Variants in NPSR1 observed in about 807,000 individuals in gnomAD.
NPSR1 encodes the protein neuropeptide S receptor 1.
NPSR1 carries 48 observed loss-of-function variants against 46.9 expected under a neutral mutation model. The observed-to-expected ratio is 1.02, with a 90% CI of 0.81 to 1.30. The LOEUF is 1.30. NPSR1 is among the 50% of genes most tolerant of loss of function. The probability of loss-of-function intolerance (pLI) is 0.00; values close to 1 mark genes in which losing one functional copy is unlikely to be tolerated. For missense variants in NPSR1, 450 were observed against 449.5 expected, an observed-to-expected ratio of 1.00 and a Z score of -0.01; for synonymous variants, 176 against 168.1, an observed-to-expected ratio of 1.05 and a Z score of -0.36.
At chr7:34,690,005 C>T (rs1257265062) in intron 2 of NPSR1, among the ~76,000 whole-genome samples, 10 of 151,720 alleles carry the variant, frequency 6.6e-5, no homozygotes, top group Admixed American at 6.6e-4. Flanking sequence ...AACTGCACAG[C>T]ACTGGAAAAT....
intron 2 of NPSR1, among the ~76,000 whole-genome samples, chr7:34,702,822 C>CTTTT (rs1793901451): frequency 6.6e-6 from 1 of 152,170 alleles, no homozygotes; most frequent in African/African-American, 2.4e-5. Flanking sequence ...ACTTTTGTGG[C>CTTTT]TTTTGAATTG....
chr7:34,823,324 G>A (rs955320506), intron 4 of NPSR1, among the ~76,000 whole-genome samples: 2 of 150,334 alleles, frequency 1.3e-5, no homozygotes, highest in Admixed American at 6.6e-5. Flanking sequence ...CCTGGGAAGC[G>A]GAGGTTGCGG....
chr7:34,755,357 C>G (rs890436933), intron 2 of NPSR1, among the ~76,000 whole-genome samples: 1 of 152,186 alleles, frequency 6.6e-6, no homozygotes, highest in Non-Finnish European at 1.5e-5. Flanking sequence ...GTCAAGGATA[C>G]AAAGTAGCAA....
chr7:34,874,465 G>C (rs1791531543), intron 8 of NPSR1, among the ~76,000 whole-genome samples: 1 of 152,130 alleles, frequency 6.6e-6, no homozygotes, highest in Non-Finnish European at 1.5e-5. Flanking sequence ...AAAAAGGAGG[G>C]ATAATTTGGG....
intron 3 of NPSR1, among the ~76,000 whole-genome samples, chr7:34,799,392 T>A (rs865775076): frequency 6.6e-6 from 1 of 152,106 alleles, no homozygotes; most frequent in African/African-American, 2.4e-5. Flanking sequence ...GCCAGGCTAA[T>A]CAAGAAAAGA....
At chr7:34,779,862 A>G in intron 3 of NPSR1, 1 of 177,070 alleles carries the variant, frequency 5.6e-6, no homozygotes. Flanking sequence ...TCAAGAATTC[A>G]GGAACAGCTT....
chr7:34,789,550 C>T lies in NPSR1; in HGVS notation c.384+10985C>T, dbSNP rs374071619. Among the ~76,000 whole-genome samples, 15 of 151,468 alleles carry T rather than the reference C, an allele frequency of 9.9e-5. No homozygotes were observed. The East Asian group carries it at 2.5e-3, about 26-fold the overall frequency. ...GCTCATGCCTGTAATCCCAGCACTT[C>T]GGGAGGCTGAGGCAGGCAGATCACC... On this transcript the variant is annotated intron_variant, in intron 3 of 8. Transcript: ENST00000360581.
rs558888402 is a variant in NPSR1, at chr7:34,766,809, G to A, written c.281-11653G>A. On this transcript the variant is annotated intron_variant, in intron 2 of 8. Transcript: ENST00000360581. ...AGGATGGTCTCGATCTCCCGACCTC[G>A]TGATCCACCCGCCTCGGCCTCCCAA... Among the ~76,000 whole-genome samples, 8 of 152,220 alleles carry A rather than the reference G, an allele frequency of 5.3e-5. No homozygotes were observed. The South Asian group carries it at 1.7e-3, about 32-fold the overall frequency.
intron 3 of NPSR1, among the ~76,000 whole-genome samples, chr7:34,781,446 T>C (rs1787226453): frequency 6.6e-6 from 1 of 152,022 alleles, no homozygotes; most frequent in African/African-American, 2.4e-5. Context: ...ATAGAAAGAA[T>C]TGCTGGTGTG....
At chr7:34,785,282 C>T (rs1343628656) in intron 3 of NPSR1, among the ~76,000 whole-genome samples, 1 of 148,594 alleles carries the variant, frequency 6.7e-6, no homozygotes, top group Non-Finnish European at 1.5e-5. Flanking sequence ...ATTGCAAGGA[C>T]AAAAAGCCAA....
intron 2 of NPSR1, among the ~76,000 whole-genome samples, chr7:34,777,223 G>A (rs1328905342): frequency 2.6e-5 from 4 of 152,160 alleles, no homozygotes; most frequent in African/African-American, 9.7e-5. Flanking sequence ...TTAGCTTGCA[G>A]TGGTAAGGCT....
intron 2 of NPSR1, among the ~76,000 whole-genome samples, chr7:34,749,543 C>G (rs1377218789): frequency 1.3e-5 from 2 of 152,174 alleles, no homozygotes; most frequent in Non-Finnish European, 2.9e-5. Context: ...AAAGCAATTA[C>G]CTGGCAAACA....
rs984259151 is a variant in NPSR1 at position 34,688,983 on chromosome 7, C to G, written c.280+4299C>G. Among the ~76,000 whole-genome samples, 9 of 152,184 alleles carry G rather than the reference C, an allele frequency of 5.9e-5. No homozygotes were observed. In the East Asian group the frequency reaches 1.7e-3, roughly 29 times the overall value. On this transcript the variant is annotated intron_variant, in intron 2 of 8. Coordinates refer to ENST00000360581, the MANE Select transcript of NPSR1 (RefSeq NM_207172.2). ...CACTTCCTGTGCAGAGAACTTGGGACAGTGGAGGTTTCCAGACTCTATGCC... is the reference window on the plus strand; with the variant it reads ...CACTTCCTGTGCAGAGAACTTGGGAGAGTGGAGGTTTCCAGACTCTATGCC...
intron 3 of NPSR1, among the ~76,000 whole-genome samples, chr7:34,785,651 T>C (rs1276829053): frequency 6.6e-6 from 1 of 152,054 alleles, no homozygotes; most frequent in African/African-American, 2.4e-5. Context: ...GGATAAAGGC[T>C]AAAAGACAAA....
chr7:34,783,223 G>C (rs974833113), intron 3 of NPSR1, among the ~76,000 whole-genome samples: 1 of 152,126 alleles, frequency 6.6e-6, no homozygotes, highest in African/African-American at 2.4e-5. Flanking sequence ...TAATTTATAA[G>C]GGAAAGAGCT....
At position 34,873,304 on chromosome 7, in the gene NPSR1, G is replaced by T. The variant is rs1167396306; in HGVS notation, c.1026-4772G>T. On this transcript the variant is annotated intron_variant, in intron 8 of 8. Transcript: ENST00000359791. Reference sequence around the variant, plus strand: ...TCTTCCAATCTCTGCCCATTACCCAGTTCCAATGCTGGATCCACATTTTTA... The same window carrying T: ...TCTTCCAATCTCTGCCCATTACCCATTTCCAATGCTGGATCCACATTTTTA... Among the ~76,000 whole-genome samples the T allele has an allele frequency of 3.3e-5, 5 of 151,638 alleles. No individual in the cohort carries two copies. In the South Asian group the frequency reaches 1.0e-3, roughly 31 times the overall value.
chr7:34,724,296 A>G (rs1784022807), intron 2 of NPSR1, among the ~76,000 whole-genome samples: 2 of 152,234 alleles, frequency 1.3e-5, no homozygotes, highest in African/African-American at 4.8e-5. Context: ...GAAAGAATGC[A>G]TGTTATATAA....
At chr7:34,843,688 T>C (rs560751957) in intron 6 of NPSR1, among the ~76,000 whole-genome samples, 2 of 152,282 alleles carry the variant, frequency 1.3e-5, no homozygotes, top group Non-Finnish European at 2.9e-5. Context: ...CTAGATCAGA[T>C]TGGAGGTGGG....
chr7:34,865,017 A>C (rs1337881685), intron 8 of NPSR1, among the ~76,000 whole-genome samples: 1 of 151,838 alleles, frequency 6.6e-6, no homozygotes, highest in Non-Finnish European at 1.5e-5. Context: ...AATATGGTCC[A>C]TAAAAATTTC....
Sources: allele counts gnomAD v4.1 joint callset (sites outside exome capture counted in the v4.1 genomes callset), GRCh38; gene constraint gnomAD v4.1.1; transcripts MANE v1.5; gene names NCBI Gene and HGNC (gene_info 2026-07-23, HGNC 2026-07-21).